LRP1B: variants seen among roughly 807,000 people sequenced by gnomAD.
The protein encoded by LRP1B is LDL receptor related protein 1B, also known as low-density lipoprotein receptor-related protein 1B.
Under a neutral mutation model 556.6 loss-of-function variants are expected in LRP1B, and 217 were observed. The ratio of observed to expected loss-of-function variants is 0.39; its 90% CI spans 0.35 to 0.44. The LOEUF (loss-of-function observed/expected upper bound fraction) is 0.44, where lower values mean the gene tolerates loss of function less well. Ranked by LOEUF, LRP1B falls within the 20% of genes least tolerant of loss-of-function variation. LRP1B has a pLI of 1.00. For missense variants in LRP1B, 5,053 were observed against 5,620.8 expected (o/e 0.90, Z 3.23); for synonymous variants, 2,047 against 1,865.8 (o/e 1.10, Z -2.50).
chr2:140,816,699 G>A (rs1691136395), intron 31 of LRP1B, among the ~76,000 whole-genome samples: 1 of 151,926 alleles, frequency 6.6e-6, no homozygotes, highest in Non-Finnish European at 1.5e-5. Context: ...GTTCTTGGGT[G>A]CATTTATTCT....
chr2:140,503,135 C>G (rs1239972538), intron 53 of LRP1B, 32 bp from the exon 54 acceptor site: 1 of 1,604,514 alleles, frequency 6.2e-7, no homozygotes, highest in Non-Finnish European at 8.5e-7. Context: ...TTGACTAATT[C>G]ACATAACAAA....
chr2:140,695,458 G>A (rs1028590204), intron 41 of LRP1B, among the ~76,000 whole-genome samples: 2 of 152,026 alleles, frequency 1.3e-5, no homozygotes, highest in Non-Finnish European at 2.9e-5. Flanking sequence ...GTATTCCCCA[G>A]TCCTTGGATT....
intron 33 of LRP1B, among the ~76,000 whole-genome samples, chr2:140,773,666 T>C (rs1689395149): frequency 7.8e-6 from 1 of 128,000 alleles, no homozygotes; most frequent in Non-Finnish European, 1.7e-5. Context: ...TTTTGATAAA[T>C]AATAAAATAT....
intron 84 of LRP1B, among the ~76,000 whole-genome samples, chr2:140,285,166 GATACAT>G (rs896254541): frequency 1.1e-4 from 17 of 148,700 alleles, no homozygotes; most frequent in African/African-American, 4.2e-4. Context: ...TGTGTGTGTA[GATACAT>G]ATACATATCT....
At chr2:140,814,085 C>A (rs1446058185) in intron 31 of LRP1B, among the ~76,000 whole-genome samples, 2 of 152,128 alleles carry the variant, frequency 1.3e-5, no homozygotes, top group Non-Finnish European at 2.9e-5. Context: ...TGCAATCCTC[C>A]CATCTCAGCC....
intron 1 of LRP1B, among the ~76,000 whole-genome samples, chr2:142,093,028 G>T (rs575178175): frequency 1.6e-4 from 25 of 152,062 alleles, no homozygotes; most frequent in South Asian, 8.3e-4. Context: ...ACAAATCCAT[G>T]CTCCACTTTT....
chr2:141,730,871 G>A (rs1693243775), intron 2 of LRP1B, among the ~76,000 whole-genome samples: 1 of 152,074 alleles, frequency 6.6e-6, no homozygotes, highest in Non-Finnish European at 1.5e-5. Context: ...TTTATTTGGG[G>A]AACCCCACAG....
At chr2:140,733,181 T>C (rs1160742164) in intron 35 of LRP1B, among the ~76,000 whole-genome samples, 1 of 152,120 alleles carries the variant, frequency 6.6e-6, no homozygotes, top group Non-Finnish European at 1.5e-5. Flanking sequence ...AGTGACTGAG[T>C]AGACCTGCAA....
chr2:140,901,934 T>A (rs1284151896), intron 23 of LRP1B, among the ~76,000 whole-genome samples: 2 of 152,254 alleles, frequency 1.3e-5, no homozygotes, highest in East Asian at 3.9e-4. Flanking sequence ...GTGGGTCTAA[T>A]GGATCCCATT....
At chr2:141,222,651 A>G (rs975477415) in intron 6 of LRP1B, among the ~76,000 whole-genome samples, 4 of 152,142 alleles carry the variant, frequency 2.6e-5, no homozygotes, top group Admixed American at 2.0e-4. Context: ...CAGCAAACCA[A>G]ATCCAGCAGC....
At chr2:141,098,158 C>T (rs1700366318) in intron 7 of LRP1B, among the ~76,000 whole-genome samples, 1 of 152,122 alleles carries the variant, frequency 6.6e-6, no homozygotes, top group South Asian at 2.1e-4. Flanking sequence ...TGTAGCAGGA[C>T]ATCAGAAACT....
chr2:140,952,232 A>G (rs567573628), intron 18 of LRP1B, among the ~76,000 whole-genome samples: 1 of 152,308 alleles, frequency 6.6e-6, no homozygotes, highest in East Asian at 1.9e-4. Flanking sequence ...TGTCAACTCC[A>G]TGCACCAAGG....
At chr2:141,796,711 C>T (rs1399181102) in intron 2 of LRP1B, among the ~76,000 whole-genome samples, 3 of 151,398 alleles carry the variant, frequency 2.0e-5, no homozygotes, top group Admixed American at 6.6e-5. Context: ...ATAGGTTCCT[C>T]AACTTGCAAA....
At chr2:141,989,408 A>C (rs1541975) in intron 1 of LRP1B, among the ~76,000 whole-genome samples, 131,242 of 151,798 alleles carry the variant, frequency 0.86, 56,821 homozygotes, top group East Asian at 0.95. Context: ...AAAGAAAAAC[A>C]AAAAAATAAA....
rs181005049 is a variant in LRP1B, at chr2:141,915,074, G to A, written c.83-104673C>T. Among the ~76,000 whole-genome samples the A allele has an allele frequency of 3.6e-4, 55 of 152,150 alleles. 1 individual carries two copies. In the East Asian group the frequency reaches 0.01, roughly 28 times the overall value. ...CCAAGCAAAAAGAACAAAATCACAG[G>A]CATCACATTGCCTGACTTCAAACTA... On this transcript the variant is annotated intron_variant, in intron 1 of 90. Coordinates refer to ENST00000389484, the MANE Select transcript of LRP1B (RefSeq NM_018557.3).
intron 6 of LRP1B, among the ~76,000 whole-genome samples, chr2:141,217,616 T>C (rs1384649733): frequency 6.6e-6 from 1 of 152,098 alleles, no homozygotes; most frequent in Non-Finnish European, 1.5e-5. Flanking sequence ...TTAAATGTAA[T>C]ACCTCAAACT....
At chr2:141,416,729 T>A (rs996272476) in intron 3 of LRP1B, among the ~76,000 whole-genome samples, 5 of 152,042 alleles carry the variant, frequency 3.3e-5, no homozygotes, top group African/African-American at 1.2e-4. Flanking sequence ...TAGACAGCTA[T>A]TATTTTTTTC....
chr2:141,116,001 A>G (rs1377141456), intron 7 of LRP1B, among the ~76,000 whole-genome samples: 1 of 152,218 alleles, frequency 6.6e-6, no homozygotes, highest in African/African-American at 2.4e-5. Context: ...ACTAATTCTG[A>G]TCATGACACC....
intron 2 of LRP1B, among the ~76,000 whole-genome samples, chr2:141,603,587 T>C (rs1687823669): frequency 2.0e-5 from 3 of 152,198 alleles, no homozygotes; most frequent in Non-Finnish European, 4.4e-5. Context: ...ATATATTTAG[T>C]AGCTAATATA....
Sources: allele counts gnomAD v4.1 joint callset (sites outside exome capture counted in the v4.1 genomes callset), GRCh38; gene constraint gnomAD v4.1.1; transcripts MANE v1.5; gene names NCBI Gene and HGNC (gene_info 2026-07-23, HGNC 2026-07-21).